Variants in TBC1D9B observed in about 807,000 individuals in gnomAD.
The protein encoded by TBC1D9B is TBC1 domain family, member 9B (with GRAM domain).
TBC1D9B carries 87 observed loss-of-function variants against 121.1 expected under a neutral mutation model. That is an observed-to-expected ratio of 0.72 (90% CI 0.60 to 0.86). TBC1D9B has a LOEUF of 0.86. Ranked by LOEUF, TBC1D9B falls within the 40% of genes least tolerant of loss-of-function variation. TBC1D9B has a pLI of 0.00. For synonymous variants in TBC1D9B, 668 were observed against 670.1 expected, an observed-to-expected ratio of 1.00 and a Z score of 0.05; for missense variants, 1,540 against 1,628.6, an observed-to-expected ratio of 0.95 and a Z score of 0.94.
intron 15 of TBC1D9B, 48 bp downstream of exon 15, chr5:179,871,414 G>A (rs372266133): frequency 4.2e-4 from 662 of 1,577,156 alleles, no homozygotes; most frequent in Non-Finnish European, 5.4e-4. Context: ...TTTCTGGCAG[G>A]AAGCTAGGAA....
intron 3 of TBC1D9B, among the ~76,000 whole-genome samples, chr5:179,898,100 A>T (rs1025611546): frequency 1.1e-4 from 16 of 151,810 alleles, no homozygotes; most frequent in Non-Finnish European, 2.2e-4. Context: ...TGGATCACTT[A>T]AGGTCAGGAG....
At chr5:179,864,678 C>T (rs912728466) in intron 20 of TBC1D9B, among the ~76,000 whole-genome samples, 6 of 152,168 alleles carry the variant, frequency 3.9e-5, no homozygotes, top group Non-Finnish European at 5.9e-5. Flanking sequence ...CCTCATCGCA[C>T]GTGGTGCCCA....
chr5:179,898,842 C>T (rs554140611), intron 3 of TBC1D9B, among the ~76,000 whole-genome samples: 13 of 152,336 alleles, frequency 8.5e-5, no homozygotes, highest in Admixed American at 4.6e-4. Flanking sequence ...TTTAAAATAA[C>T]GTTAGTTTTA....
intron 9 of TBC1D9B, 71 bp downstream of exon 9, chr5:179,878,976 C>T (rs1289594637): frequency 1.5e-5 from 23 of 1,552,414 alleles, no homozygotes; most frequent in Non-Finnish European, 1.6e-5. Flanking sequence ...TCAGGACAGA[C>T]GAGCTCACAC....
intron 8 of TBC1D9B, 171 bp downstream of exon 8, chr5:179,879,457 C>T: frequency 1.8e-6 from 2 of 1,137,142 alleles, no homozygotes; most frequent in Non-Finnish European, 2.5e-6. Context: ...CAGCGGAGCC[C>T]CCCAGAGAGT....
intron 10 of TBC1D9B, among the ~76,000 whole-genome samples, 174 bp downstream of exon 10, chr5:179,878,135 C>T (rs559996639): frequency 1.1e-4 from 16 of 152,332 alleles, no homozygotes; most frequent in African/African-American, 3.1e-4. Context: ...GACTTCTATT[C>T]GGCATGGGGA....
intron 15 of TBC1D9B, among the ~76,000 whole-genome samples, chr5:179,870,974 T>C (rs747218771): frequency 1.3e-5 from 2 of 152,192 alleles, no homozygotes; most frequent in Non-Finnish European, 2.9e-5. Flanking sequence ...CCATTAAGGC[T>C]GGGTCTTTTG....
chr5:179,897,801 C>G (rs1761060631), intron 3 of TBC1D9B, among the ~76,000 whole-genome samples: 1 of 152,226 alleles, frequency 6.6e-6, no homozygotes, highest in African/African-American at 2.4e-5. Flanking sequence ...GCTCTCTCCA[C>G]CTGTTTTCCT....
rs1760834122 is a variant in TBC1D9B, at chr5:179,890,585, T to C, written c.1044+794A>G. ...GAGGCAGCAACTCTCCCACACCTAT[T>C]CTCAGCTACATCTGCAACTTGAGGG... On this transcript the variant is annotated intron_variant, in intron 6 of 20. Transcript: ENST00000355235. This position sits in a 1 kb window ranked among gnomAD's most constrained non-coding sequence, Gnocchi z 5.0. Among the ~76,000 whole-genome samples the C allele has an allele frequency of 6.6e-6, 1 of 152,204 alleles. No homozygotes were observed. Among genetic ancestry groups the C allele is most frequent in the Admixed American group, 6.5e-5 (1 of 15,286 alleles).
chr5:179,905,858 CAACTTT>C (rs1433029316), intron 1 of TBC1D9B, among the ~76,000 whole-genome samples: 2 of 152,080 alleles, frequency 1.3e-5, no homozygotes, highest in Non-Finnish European at 2.9e-5. Flanking sequence ...TGCTGTTATT[CAACTTT>C]AACACTTTTG....
Position 179,891,059 on chromosome 5 carries a change from C to T in TBC1D9B, c.1044+320G>A, listed in dbSNP as rs1323662079. On this transcript the variant is annotated intron_variant, in intron 6 of 20. Coordinates refer to ENST00000355235, the MANE Select transcript of TBC1D9B (RefSeq NM_015043.4). This position sits in a 1 kb window ranked among gnomAD's most constrained non-coding sequence, Gnocchi z 4.3. ...GCGCAGCCACGGAGCAGCACTTTGC[C>T]CTGCAGGGCCCAGAAGGCAGGCCTG... is the stretch of plus-strand genomic sequence containing the variant. 6.6e-6 allele frequency among the ~76,000 whole-genome samples: 1 copy of T among 152,216 alleles called. No homozygotes were observed. The highest frequency in any genetic ancestry group is 1.5e-5 in the Non-Finnish European group (1 of 68,022).
chr5:179,883,329 G>GT (rs1760591330), intron 7 of TBC1D9B, among the ~76,000 whole-genome samples: 2 of 152,078 alleles, frequency 1.3e-5, no homozygotes, highest in African/African-American at 4.8e-5. Context: ...TTATTCCACT[G>GT]CTTTTTTCTG....
chr5:179,878,432 G>C lies in TBC1D9B; in HGVS notation c.1659C>G (p.Ile553Met). The C allele has an allele frequency of 1.2e-6, 2 of 1,613,188 alleles. No individual in the cohort carries two copies. The highest frequency in any genetic ancestry group is 8.5e-7 in the Non-Finnish European group (1 of 1,179,662). Residue 553 changes from isoleucine (I) to methionine (M), a missense_variant, in exon 10 of 21, where the codon ATC becomes ATG. Transcript: ENST00000355235. ...GCATGGAGCGGTGCAGGTCTCGCTCGATCTCCTCTGTGGCCAGGCTGTACT... is the reference window on the plus strand; with the variant it reads ...GCATGGAGCGGTGCAGGTCTCGCTCCATCTCCTCTGTGGCCAGGCTGTACT... ...TGKYSLATEE[I>M]ERDLHRSMPE...
chr5:179,867,243 TG>T, intron 18 of TBC1D9B: 3 of 567,428 alleles, frequency 5.3e-6, no homozygotes. Context: ...GCGCCTAGTG[TG>T]GGGGCCTTAT....
rs377448990 is a variant in TBC1D9B at position 179,894,611 on chromosome 5, T to C, written c.352A>G (p.Ile118Val). 12 of 1,614,014 alleles carry C rather than the reference T, an allele frequency of 7.4e-6. No individual in the cohort carries two copies. Among genetic ancestry groups the C allele is most frequent in the Middle Eastern group, 3.3e-4 (2 of 6,084 alleles). ...AGGTTCTTGTTCTCTTCTGCGATGA[T>C]TCCCTGGAGGAAGGCAAGAGGACAA... ...TTFVKGKIHG[I>V]IAEENKNLQP... The change falls in exon 4 of 21, where the codon ATC becomes GTC. Residue 118 changes from isoleucine (I) to valine (V), a missense_variant. Ile to Val is a conservative substitution (Grantham distance 29). Transcript: ENST00000355235.
In TBC1D9B at chr5:179,885,653, C is replaced by T. The variant is rs1405154258; in HGVS notation, c.1254+2450G>A. Reference sequence around the variant, plus strand: ...CTTTTCATACGAAGTCTCCAAAACCCGTGTACAGTGATCTGAACACTCACA... The same window carrying T: ...CTTTTCATACGAAGTCTCCAAAACCTGTGTACAGTGATCTGAACACTCACA... On this transcript the variant is annotated intron_variant, in intron 7 of 20. Coordinates refer to ENST00000355235, the MANE Select transcript of TBC1D9B (RefSeq NM_015043.4). This position sits in a 1 kb window ranked among gnomAD's most constrained non-coding sequence, Gnocchi z 4.5. Among the ~76,000 whole-genome samples the T allele has an allele frequency of 6.6e-6, 1 of 152,152 alleles. No homozygotes were observed. The highest frequency in any genetic ancestry group is 2.4e-5 in the African/African-American group (1 of 41,420).
chr5:179,868,419 G>A (rs1760085701), intron 17 of TBC1D9B: 1 of 152,266 alleles, frequency 6.6e-6, no homozygotes, highest in African/African-American at 2.4e-5. Context: ...GACTTCAAGT[G>A]ATCCACCCGC....
chr5:179,870,234 G>A, intron 16 of TBC1D9B, 21 bp downstream of exon 16: 2 of 1,612,904 alleles, frequency 1.2e-6, no homozygotes, highest in Non-Finnish European at 1.7e-6. Context: ...CAAGCCCCTG[G>A]TAGGCCCTGC....
intron 15 of TBC1D9B, 47 bp downstream of exon 15, chr5:179,871,415 A>G: frequency 6.3e-7 from 1 of 1,580,474 alleles, no homozygotes; most frequent in Non-Finnish European, 8.7e-7. Context: ...TTCTGGCAGG[A>G]AGCTAGGAAG....
Sources: gnomAD v4.1 joint callset for allele counts (sites outside exome capture counted in the v4.1 genomes callset) on GRCh38, gnomAD v4.1.1 for gene constraint, Gnocchi (gnomAD v3.1) non-coding constraint, MANE v1.5 for transcripts, NCBI Gene and HGNC (gene_info 2026-07-23, HGNC 2026-07-21) for gene names.